The following TTLL10 variants were observed in gnomAD, a reference collection of about 807,000 sequenced individuals.
The protein encoded by TTLL10 is tubulin tyrosine ligase like 10, also known as inactive polyglycylase TTLL10.
In TTLL10, 61 loss-of-function variants were observed where a neutral mutation model predicts 69.0. The ratio of observed to expected loss-of-function variants is 0.88; its 90% CI spans 0.72 to 1.09. The LOEUF (loss-of-function observed/expected upper bound fraction) is 1.09, where lower values mean the gene tolerates loss of function less well. Among genes scored for constraint, TTLL10 ranks in the 50% least tolerant of loss-of-function variants. The pLI, the probability that TTLL10 is intolerant of heterozygous loss-of-function variation, is 0.00. For missense variants in TTLL10, 962 were observed against 945.9 expected (o/e 1.02, Z -0.22); for synonymous variants, 408 against 393.3 (o/e 1.04, Z -0.44).
chr1:1,190,106 C>T (rs759313978), intron 13 of TTLL10, among the ~76,000 whole-genome samples: 20 of 146,006 alleles, frequency 1.4e-4, no homozygotes, highest in Non-Finnish European at 2.4e-4. Flanking sequence ...AGCGAGACCC[C>T]GTCTCAAAAA....
chr1:1,197,740 GC>G lies in TTLL10; in HGVS notation c.1919del (p.Pro640ArgfsTer?). The G allele has an allele frequency of 2.0e-6, 3 of 1,534,498 alleles. No homozygotes were observed. Among genetic ancestry groups the G allele is most frequent in the East Asian group, 2.5e-5 (1 of 39,924 alleles). ...LDSAHDGEPQAPGTEQSGTGN... is the reference protein window; with the variant it reads ...LDSAHDGEPQXPGTEQSGTGN... Reference sequence around the variant, plus strand: ...CAGCGCCCACGATGGGGAGCCCCAGGCCCCGGGCACGGAGCAGTCGGGCACA... The same window carrying G: ...CAGCGCCCACGATGGGGAGCCCCAGGCCCGGGCACGGAGCAGTCGGGCACA... On this transcript the variant is annotated frameshift_variant, in exon 16 of 16. Transcript: ENST00000379289. LOFTEE classifies it high-confidence loss of function.
Position 1,179,398 on chromosome 1 carries a change from C to T in TTLL10, c.118+65C>T, listed in dbSNP as rs908662321. On this transcript the variant is annotated intron_variant, in intron 4 of 15. Coordinates refer to ENST00000379289, the MANE Select transcript of TTLL10 (RefSeq NM_001130045.2). ...GGCCAAGGCCTCCCTGGGACGGGTG[C>T]CCCATACCCAAGGAAGTCAGTCGGC... 4.2e-6 allele frequency: 6 copies of T among 1,444,868 alleles called. No homozygotes were observed. In the Admixed American group the frequency reaches 1.2e-4, roughly 28 times the overall value. The allele number at this position is 1,444,868 out of a possible 1,614,324, so 89.5% of individuals were successfully genotyped here.
In TTLL10 at chr1:1,197,757, G is replaced by T; in HGVS notation, c.1932G>T (p.Gln644His). The T allele has an allele frequency of 6.5e-7, 1 of 1,535,716 alleles. No individual in the cohort carries two copies. The highest frequency in any genetic ancestry group is 8.8e-7 in the Non-Finnish European group (1 of 1,142,804). ...DGEPQAPGTE[Q>H]SGTGNRHPAQ... ...AGCCCCAGGCCCCGGGCACGGAGCA[G>T]TCGGGCACAGGCAACAGGCACCCGG... The change falls in exon 16 of 16, where the codon CAG (glutamine) becomes CAT (histidine). Residue 644 changes from glutamine to histidine, a missense_variant. Physicochemically the swap from Gln to His is conservative, Grantham distance 24. Coordinates refer to ENST00000379289, the MANE Select transcript of TTLL10 (RefSeq NM_001130045.2).
chr1:1,191,256 T>C (rs1489384757), intron 13 of TTLL10, among the ~76,000 whole-genome samples: 1 of 152,200 alleles, frequency 6.6e-6, no homozygotes, highest in African/African-American at 2.4e-5. Flanking sequence ...TTCCATTGTG[T>C]CAGAGAACAT....
At position 1,197,186 on chromosome 1, in the gene TTLL10, G is replaced by T; in HGVS notation, c.1612G>T (p.Asp538Tyr). The T allele has an allele frequency of 6.5e-7, 1 of 1,549,710 alleles. No individual in the cohort carries two copies. Among genetic ancestry groups the T allele is most frequent in the South Asian group, 1.2e-5 (1 of 84,022 alleles). ...CCCAGGTGTGGTCATCGAGACCCTG[G>T]GTGAGCCTCCAAGCCCCCACCCCAC... ...VIPGVVIETL[D>Y]LVLETFRKSL... Residue 538 changes from aspartate to tyrosine, a missense_variant and splice_region_variant, in exon 15 of 16, where the codon GAC becomes TAC. Asp to Tyr is a radical substitution (Grantham distance 160). Coordinates refer to ENST00000379289, the MANE Select transcript of TTLL10 (RefSeq NM_001130045.2).
At position 1,197,438 on chromosome 1, in the gene TTLL10, A is replaced by T; in HGVS notation, c.1613A>T (p.Asp538Val). ...VIPGVVIETL[D>V]LVLETFRKSL... ...ACCCTCTCTCCCCCACCCGCACCAG[A>T]CCTGGTGCTCGAGACCTTCCGGAAG... is the stretch of plus-strand genomic sequence containing the variant. Residue 538 changes from aspartate (D) to valine (V), a missense_variant and splice_region_variant, in exon 16 of 16, where the codon GAC becomes GTC. Asp to Val is a radical substitution (Grantham distance 152). Coordinates refer to ENST00000379289, the MANE Select transcript of TTLL10 (RefSeq NM_001130045.2). 7.1e-7 allele frequency: 1 copy of T among 1,411,324 alleles called. No individual in the cohort carries two copies. Among genetic ancestry groups the T allele is most frequent in the South Asian group, 1.2e-5 (1 of 81,348 alleles). The allele number at this position is 1,411,324 out of a possible 1,614,324, so 87.4% of individuals were successfully genotyped here. A position where few individuals can be genotyped will look rare whatever the true frequency, so the allele number is the denominator to read the frequency against.
Position 1,180,083 on chromosome 1 carries a change from G to C in TTLL10, c.249G>C (p.Arg83=). 6.2e-7 allele frequency: 1 copy of C among 1,605,616 alleles called. No homozygotes were observed. The highest frequency in any genetic ancestry group is 8.5e-7 in the Non-Finnish European group (1 of 1,176,014). ...PMGSSQEEGL[R]CQPSQPDHDA... is the part of the protein sequence containing the mutation. ...GGAGCAGCCAGGAGGAGGGACTCCGGTGTCAGCCAAGCCAGCCAGACCACG... is the reference window on the plus strand; with the variant it reads ...GGAGCAGCCAGGAGGAGGGACTCCGCTGTCAGCCAAGCCAGCCAGACCACG... Residue 83 remains arginine, a synonymous_variant, in exon 6 of 16, where the codon CGG becomes CGC. Coordinates refer to ENST00000379289, the MANE Select transcript of TTLL10 (RefSeq NM_001130045.2).
At chr1:1,180,458 T>TGCCC in intron 6 of TTLL10, 25 bp from the exon 7 acceptor site, 1 of 942,134 alleles carries the variant, frequency 1.1e-6, no homozygotes, top group Non-Finnish European at 1.5e-6. Context: ...GGCCCCCAGG[T>TGCCC]CACCCCCGCC....
intron 11 of TTLL10, 72 bp from the exon 12 acceptor site, chr1:1,183,848 G>A: frequency 3.2e-6 from 5 of 1,587,164 alleles, no homozygotes; most frequent in Non-Finnish European, 4.3e-6. Flanking sequence ...CAGGCCCGGG[G>A]TGGGGTGTGA....
At chr1:1,183,816 G>A in intron 11 of TTLL10, 104 bp from the exon 12 acceptor site, 1 of 1,449,936 alleles carries the variant, frequency 6.9e-7, no homozygotes, top group Non-Finnish European at 9.5e-7. Context: ...TGGGACAGAG[G>A]CGGGGCGCTG....
At chr1:1,195,843 T>C (rs1002048600) in intron 13 of TTLL10, among the ~76,000 whole-genome samples, 3 of 152,066 alleles carry the variant, frequency 2.0e-5, no homozygotes, top group Non-Finnish European at 4.4e-5. Context: ...GGTCTCCCTA[T>C]ATTGCCCAGG....
chr1:1,197,395 AG>A, intron 15 of TTLL10, 42 bp from the exon 16 acceptor site: 1 of 381,226 alleles, frequency 2.6e-6, no homozygotes, highest in Non-Finnish European at 4.1e-6. Context: ...CTCCAGCCCC[AG>A]CCTCTGCCCC....
chr1:1,188,781 C>T (rs1025401962), intron 13 of TTLL10, among the ~76,000 whole-genome samples: 44 of 152,122 alleles, frequency 2.9e-4, no homozygotes, highest in African/African-American at 1.0e-3. Flanking sequence ...TTTAGTCTTC[C>T]GATCCATGAA....
rs757892692 is a variant in TTLL10 at position 1,180,850 on chromosome 1, G to T, written c.745G>T (p.Val249Phe). Residue 249 changes from valine (V) to phenylalanine (F), a missense_variant, in exon 8 of 16, where the codon GTC becomes TTC. Transcript: ENST00000379289. ...MSKASKVPGG[V>F]QARLEKDAAA... ...CAAGGCCAGCAAGGTGCCGGGGGGG[G>T]TCCAGGCCAGGTGAGTCTGCCCCTG... The T allele has an allele frequency of 1.3e-6, 2 of 1,571,698 alleles. No homozygotes were observed. The highest frequency in any genetic ancestry group is 2.4e-5 in the East Asian group (1 of 41,754).
intron 9 of TTLL10, among the ~76,000 whole-genome samples, chr1:1,182,138 G>A (rs966972752): frequency 2.6e-5 from 4 of 152,230 alleles, no homozygotes; most frequent in Admixed American, 2.6e-4. Context: ...GGAGGGGCCC[G>A]GGTGGGGGTC....
In TTLL10 at chr1:1,180,020, C is replaced by T; in HGVS notation, c.200-14C>T. On this transcript the variant is annotated splice_polypyrimidine_tract_variant and intron_variant, in intron 5 of 15. Coordinates refer to ENST00000379289, the MANE Select transcript of TTLL10 (RefSeq NM_001130045.2). ...TCCCGTAGCCACCCCGGTGGGACCC[C>T]ACCCCGTTCACAGGCCCGGCCCACG... The T allele has an allele frequency of 2.0e-6, 3 of 1,515,052 alleles. No individual in the cohort carries two copies. The highest frequency in any genetic ancestry group is 2.7e-5 in the South Asian group (2 of 74,716). The allele number at this position is 1,515,052 out of a possible 1,614,324, so 93.9% of individuals were successfully genotyped here. A position where few individuals can be genotyped will look rare whatever the true frequency, so the allele number is the denominator to read the frequency against.
At chr1:1,195,733 G>C (rs891091560) in intron 13 of TTLL10, among the ~76,000 whole-genome samples, 1 of 151,924 alleles carries the variant, frequency 6.6e-6, no homozygotes, top group Non-Finnish European at 1.5e-5. Context: ...TCTGCCTCTT[G>C]GGCTCAAGCA....
intron 3 of TTLL10, chr1:1,175,603 T>C: frequency 2.4e-6 from 1 of 423,652 alleles, no homozygotes; most frequent in Admixed American, 2.5e-5. Flanking sequence ...CTGAGCTCTC[T>C]GCCTCCCGTC....
chr1:1,194,547 C>G (rs1648063788), intron 13 of TTLL10, among the ~76,000 whole-genome samples: 1 of 152,186 alleles, frequency 6.6e-6, no homozygotes, highest in African/African-American at 2.4e-5. Context: ...CTGGGAATGT[C>G]TTAATCTCCC....
Sources: gnomAD v4.1 joint callset for allele counts (sites outside exome capture counted in the v4.1 genomes callset) on GRCh38, gnomAD v4.1.1 for gene constraint, MANE v1.5 for transcripts, NCBI Gene and HGNC (gene_info 2026-07-23, HGNC 2026-07-21) for gene names.